Variants in ATRX observed in about 807,000 individuals in gnomAD.
ATRX encodes ATRX chromatin remodeler, also known as chromatin remodeler ATRX.
ATRX carries 12 observed loss-of-function variants against 172.6 expected under a neutral mutation model. That is an observed-to-expected ratio of 0.07 (90% CI 0.04 to 0.11). ATRX has a LOEUF of 0.11. Ranked by LOEUF, ATRX falls within the 10% of genes least tolerant of loss-of-function variation. The pLI is 1.00. For missense variants in ATRX, 1,368 were observed against 1,767.4 expected (o/e 0.77, Z 4.05); for synonymous variants, 674 against 594.7 (o/e 1.13, Z -1.94).
chrX:77,558,191 A>G (rs2064869811), intron 29 of ATRX, among the ~76,000 whole-genome samples: 1 of 111,167 alleles, frequency 9.0e-6, no homozygotes, highest in Non-Finnish European at 1.9e-5. Context: ...AATGTATATT[A>G]AATATAATAC....
At chrX:77,589,962 T>C (rs372469228) in intron 26 of ATRX, 22 bp from the exon 27 acceptor site, 3 of 1,121,694 alleles carry the variant, frequency 2.7e-6, no homozygotes, top group Non-Finnish European at 2.5e-6. Context: ...GATTAGTGTT[T>C]ATGGATTAGA....
chrX:77,644,581 A>T (rs2068815462), intron 15 of ATRX, among the ~76,000 whole-genome samples: 1 of 111,188 alleles, frequency 9.0e-6, no homozygotes. Flanking sequence ...TTAAAGTATT[A>T]AAAAAAATCA....
rs1427263828 is a variant in ATRX, at chrX:77,717,176, C to G, written c.88G>C (p.Glu30Gln). The change falls in exon 2 of 35, where the codon GAA becomes CAA. Residue 30 changes from glutamate to glutamine, a missense_variant. Around this residue, in one of 17 missense-constraint regions of ATRX, gnomAD observed 84 missense variants for 82.8 expected, o/e 1.01. Coordinates refer to ENST00000373344, the MANE Select transcript of ATRX (RefSeq NM_000489.6). ...AGTCGTGGAGGAGAACTTGTTTCTT[C>G]AGATTCTTCTGATGAGTGTGCAAGG... is the stretch of plus-strand genomic sequence containing the variant. ...DFLAHSSEES[E>Q]ETSSPPRLAM... is the part of the protein sequence containing the mutation. 1 of 1,209,323 alleles carries G rather than the reference C, an allele frequency of 8.3e-7. No individual in the cohort carries two copies. The highest frequency in any genetic ancestry group is 1.7e-5 in the African/African-American group (1 of 57,260).
At chrX:77,633,410 T>G in intron 18 of ATRX, 26 bp from the exon 19 acceptor site, 1 of 1,191,390 alleles carries the variant, frequency 8.4e-7, no homozygotes, top group East Asian at 3.0e-5. Flanking sequence ...AAAGATTTTT[T>G]TAAGTAGCTA....
chrX:77,563,058 T>C (rs782396323), intron 28 of ATRX, among the ~76,000 whole-genome samples: 1 of 112,666 alleles, frequency 8.9e-6, no homozygotes, highest in Non-Finnish European at 1.9e-5. Flanking sequence ...GTCTTTTCCT[T>C]TCCCTAAGAG....
rs193135722 is a variant in ATRX, at chrX:77,621,048, G to C, written c.5135-516C>G. Among the ~76,000 whole-genome samples, 15 of 111,401 alleles carry C rather than the reference G, an allele frequency of 1.3e-4. No homozygotes were observed. The East Asian group carries it at 2.6e-3, about 19-fold the overall frequency. ...TCCAAATAACTAACATTCATTGCTG[G>C]GGAAAAATTTTAACTGATAAAAGAA... On this transcript the variant is annotated intron_variant, in intron 19 of 34. Transcript: ENST00000373344.
chrX:77,551,049 T>G (rs1557055859), intron 30 of ATRX, among the ~76,000 whole-genome samples: 1 of 111,603 alleles, frequency 9.0e-6, no homozygotes, highest in Admixed American at 9.5e-5. Context: ...CCCAAGGTAA[T>G]TTAAAGATTC....
intron 28 of ATRX, among the ~76,000 whole-genome samples, chrX:77,564,395 G>GT (rs1253945917): frequency 2.7e-5 from 3 of 109,483 alleles, no homozygotes; most frequent in African/African-American, 6.7e-5. Flanking sequence ...TTAAAAGCTT[G>GT]TTTTTTTTGC....
intron 1 of ATRX, among the ~76,000 whole-genome samples, chrX:77,770,029 A>G (rs1557198229): frequency 9.0e-6 from 1 of 110,959 alleles, no homozygotes; most frequent in African/African-American, 3.3e-5. Flanking sequence ...GGCTGCAGTG[A>G]GCTGAGATTG....
chrX:77,522,821 G>A (rs782262696), intron 31 of ATRX, among the ~76,000 whole-genome samples: 61 of 111,940 alleles, frequency 5.4e-4, no homozygotes, highest in African/African-American at 2.0e-3. Context: ...TGGCATTAAT[G>A]TCTAATAATG....
chrX:77,783,584 C>T lies in ATRX; in HGVS notation c.20+2398G>A, dbSNP rs45562535. ...TTGTTCCTGCTTTTTAAGTGCTTGA[C>T]AAAATATTTGATAAAGAGAAAATCT... On this transcript the variant is annotated intron_variant, in intron 1 of 34. Transcript: ENST00000373344. Among the ~76,000 whole-genome samples the T allele has an allele frequency of 8.0e-3, 894 of 111,499 alleles. 10 individuals carry two copies. The highest frequency in any genetic ancestry group is 0.028 in the African/African-American group (866 of 30,720).
intron 27 of ATRX, 121 bp downstream of exon 27, chrX:77,589,713 A>C: frequency 1.8e-6 from 1 of 568,043 alleles, no homozygotes; most frequent in Non-Finnish European, 2.8e-6. Context: ...ATTGCAAAAA[A>C]ATTTTGATAT....
At chrX:77,709,781 T>C (rs2073021802) in intron 2 of ATRX, among the ~76,000 whole-genome samples, 1 of 110,628 alleles carries the variant, frequency 9.0e-6, no homozygotes, top group African/African-American at 3.3e-5. Context: ...GCTCTGTCTC[T>C]ACCCAAAATA....
At position 77,754,182 on chromosome X, in the gene ATRX, A is replaced by G. The variant is rs189308573; in HGVS notation, c.20+31800T>C. Among the ~76,000 whole-genome samples the G allele has an allele frequency of 4.7e-5, 5 of 106,860 alleles. No homozygotes were observed. In the East Asian group the frequency reaches 1.5e-3, roughly 31 times the overall value. The allele number at this position is 106,860 out of a possible 115,157, so 92.8% of individuals were successfully genotyped here. ...CACCCCTTTTTTTTTTGTTTTTTCC[A>G]TTTGCTTGGTTAATATTCCTCCAAC... On this transcript the variant is annotated intron_variant, in intron 1 of 34. Coordinates refer to ENST00000373344, the MANE Select transcript of ATRX (RefSeq NM_000489.6).
chrX:77,588,923 A>AC (rs2066135424), intron 27 of ATRX, among the ~76,000 whole-genome samples: 1 of 112,251 alleles, frequency 8.9e-6, no homozygotes, highest in South Asian at 3.6e-4. Context: ...ATAAGATACC[A>AC]CTTCACAACC....
chrX:77,666,470 C>A (rs868970892), intron 10 of ATRX, among the ~76,000 whole-genome samples: 64 of 112,065 alleles, frequency 5.7e-4, no homozygotes, highest in African/African-American at 1.9e-3. Context: ...TTACAACATA[C>A]CCTCCCCAAA....
chrX:77,667,295 A>ATGTGTG (rs782297684), intron 10 of ATRX, among the ~76,000 whole-genome samples: 2,204 of 89,025 alleles, frequency 0.025, 31 homozygotes, highest in South Asian at 0.043. Context: ...ACGAATAAAT[A>ATGTGTG]TGTGTGTGTG....
At chrX:77,565,851 C>CT (rs1557064311) in intron 28 of ATRX, among the ~76,000 whole-genome samples, 3 of 104,487 alleles carry the variant, frequency 2.9e-5, no homozygotes, top group African/African-American at 1.1e-4. Flanking sequence ...GAGACCCTGT[C>CT]TCAAAAAAAA....
At chrX:77,513,891 T>C (rs2062962701) in intron 34 of ATRX, among the ~76,000 whole-genome samples, 2 of 111,355 alleles carry the variant, frequency 1.8e-5, no homozygotes, top group Admixed American at 1.9e-4. Flanking sequence ...CTTAAGCTGA[T>C]AAACAAGTTC....
Sources: gnomAD v4.1 joint callset for allele counts (sites outside exome capture counted in the v4.1 genomes callset) on GRCh38, gnomAD v4.1.1 for gene constraint, gnomAD v4.1.1 regional missense constraint, MANE v1.5 for transcripts, NCBI Gene and HGNC (gene_info 2026-07-23, HGNC 2026-07-21) for gene names.